ELP4: variants seen among roughly 807,000 people sequenced by gnomAD.
ELP4 encodes elongator complex protein 4.
A neutral mutation model predicts 48.9 loss-of-function variants in ELP4; 51 were observed. The observed-to-expected ratio is 1.04, with a 90% CI of 0.83 to 1.32. The LOEUF (loss-of-function observed/expected upper bound fraction) is 1.32, where lower values mean the gene tolerates loss of function less well. Ranked by LOEUF, ELP4 falls within the 40% of genes most tolerant of loss-of-function variation. The pLI is 0.00. For synonymous variants in ELP4, 210 were observed against 189.2 expected, an observed-to-expected ratio of 1.11 and a Z score of -0.90; for missense variants, 519 against 514.6, an observed-to-expected ratio of 1.01 and a Z score of -0.08.
intron 5 of ELP4, among the ~76,000 whole-genome samples, chr11:31,607,234 A>G (rs1019112299): frequency 3.3e-5 from 5 of 152,326 alleles, no homozygotes; most frequent in African/African-American, 1.2e-4. Flanking sequence ...CCCCCAATCT[A>G]TGGTATTTTG....
At chr11:31,520,363 A>C (rs1956192546) in intron 2 of ELP4, among the ~76,000 whole-genome samples, 2 of 152,160 alleles carry the variant, frequency 1.3e-5, no homozygotes, top group Non-Finnish European at 2.9e-5. Context: ...ACTAAAATTA[A>C]TGTGAATTGA....
At chr11:31,625,000 C>T (rs190971517) in intron 5 of ELP4, among the ~76,000 whole-genome samples, 226 of 151,404 alleles carry the variant, frequency 1.5e-3, no homozygotes, top group African/African-American at 5.2e-3. Context: ...GACCTGGTCA[C>T]CTGAGTCTAT....
At chr11:31,661,085 C>T (rs1565100356) in intron 9 of ELP4, among the ~76,000 whole-genome samples, 1 of 151,964 alleles carries the variant, frequency 6.6e-6, no homozygotes, top group Non-Finnish European at 1.5e-5. Context: ...ATTTGTTCAA[C>T]ACTTTCTAGA....
intron 9 of ELP4, among the ~76,000 whole-genome samples, chr11:31,762,843 T>C (rs1427714869): frequency 6.6e-6 from 1 of 151,682 alleles, no homozygotes; most frequent in African/African-American, 2.4e-5. Flanking sequence ...GAATTTTTTA[T>C]AGAAAAATAA....
At chr11:31,732,016 A>C (rs1408259026) in intron 9 of ELP4, among the ~76,000 whole-genome samples, 1 of 152,184 alleles carries the variant, frequency 6.6e-6, no homozygotes, top group African/African-American at 2.4e-5. Flanking sequence ...AAGCTGTGGG[A>C]GTTCATCACC....
At chr11:31,677,293 G>A (rs566046910) in intron 9 of ELP4, among the ~76,000 whole-genome samples, 21 of 152,270 alleles carry the variant, frequency 1.4e-4, no homozygotes, top group South Asian at 4.1e-4. Context: ...GCAATGTAAC[G>A]CACACCAAGG....
intron 7 of ELP4, among the ~76,000 whole-genome samples, chr11:31,636,928 T>C (rs963307574): frequency 1.3e-5 from 2 of 151,996 alleles, no homozygotes; most frequent in Non-Finnish European, 2.9e-5. Context: ...CAATTTTCCC[T>C]TTGAAGTAAT....
In ELP4 at chr11:31,786,218, CT is replaced by C. The variant is rs1325636101; in HGVS notation, c.*2698del. ...ACTCTGCAATCAATTCCCTGTCCAT[CT>C]TTTAACAAATCAGACACACATAGGC... On this transcript the variant is annotated 3_prime_UTR_variant, in exon 10 of 10. Transcript: ENST00000640961. The C allele has an allele frequency of 1.4e-5, 3 of 207,574 alleles. No homozygotes were observed. Among genetic ancestry groups the C allele is most frequent in the Non-Finnish European group, 2.9e-5 (3 of 101,808 alleles). The allele number at this position is 207,574 out of a possible 1,614,324, so 12.9% of individuals were successfully genotyped here.
Position 31,666,494 on chromosome 11 carries a change from C to T in ELP4, c.1143+16273C>T, listed in dbSNP as rs560162348. ...GGATCATGAGGTCAGGAGATCGAGA[C>T]GATTCTGGCCAACATGGTGAAACCC... On this transcript the variant is annotated intron_variant, in intron 9 of 9. Transcript: ENST00000640961. Among the ~76,000 whole-genome samples the T allele has an allele frequency of 7.9e-5, 12 of 152,084 alleles. No homozygotes were observed. In the East Asian group the frequency reaches 1.6e-3, roughly 20 times the overall value.
At chr11:31,520,830 A>G (rs980742414) in intron 2 of ELP4, among the ~76,000 whole-genome samples, 1 of 152,002 alleles carries the variant, frequency 6.6e-6, no homozygotes, top group African/African-American at 2.4e-5. Flanking sequence ...ACCTGGTTTT[A>G]TATGTTAGGG....
In ELP4 at chr11:31,783,382, T is replaced by C. The variant is rs759642777; in HGVS notation, c.1144-11T>C. 2.5e-6 allele frequency: 4 copies of C among 1,599,914 alleles called. No homozygotes were observed. The African/African-American group carries it at 4.1e-5, about 16-fold the overall frequency. On this transcript the variant is annotated splice_polypyrimidine_tract_variant and intron_variant, in intron 9 of 9. Coordinates refer to ENST00000640961, the MANE Select transcript of ELP4 (RefSeq NM_019040.5). ...CTTCTTTTTTTCTTCTCCTGAAATC[T>C]TCTGCCATAGCGACTGCATTTGCCT...
At chr11:31,724,794 C>A (rs1947040267) in intron 9 of ELP4, among the ~76,000 whole-genome samples, 1 of 152,226 alleles carries the variant, frequency 6.6e-6, no homozygotes, top group Admixed American at 6.5e-5. Context: ...TTTGTAAAAT[C>A]TTTTCCTGTC....
At chr11:31,761,310 C>T (rs999059163) in intron 9 of ELP4, among the ~76,000 whole-genome samples, 1 of 151,414 alleles carries the variant, frequency 6.6e-6, no homozygotes, top group Non-Finnish European at 1.5e-5. Flanking sequence ...TACACTCCAG[C>T]CTGAGCAACA....
chr11:31,716,316 T>G (rs1305059518), intron 9 of ELP4, among the ~76,000 whole-genome samples: 1 of 152,184 alleles, frequency 6.6e-6, no homozygotes, highest in East Asian at 1.9e-4. Context: ...CTCTGCCTAG[T>G]TCTTTATTTA....
chr11:31,578,105 T>C (rs7935909), intron 3 of ELP4, among the ~76,000 whole-genome samples: 54,681 of 151,956 alleles, frequency 0.36, 12,112 homozygotes, highest in African/African-American at 0.62. Context: ...AGTCTCAGGA[T>C]ACAAAATCAA....
intron 5 of ELP4, among the ~76,000 whole-genome samples, chr11:31,617,668 C>T (rs934173925): frequency 2.0e-5 from 3 of 149,142 alleles, no homozygotes; most frequent in African/African-American, 7.4e-5. Context: ...TAAATCAAAA[C>T]CAAACAAAGA....
chr11:31,545,051 A>G (rs1755792173), intron 3 of ELP4, among the ~76,000 whole-genome samples: 1 of 152,102 alleles, frequency 6.6e-6, no homozygotes, highest in South Asian at 2.1e-4. Context: ...CAAAGATGGG[A>G]AAAAAACAGA....
intron 3 of ELP4, among the ~76,000 whole-genome samples, chr11:31,571,130 T>C (rs941722179): frequency 6.6e-6 from 1 of 152,138 alleles, no homozygotes; most frequent in Non-Finnish European, 1.5e-5. Context: ...AACCTGCACA[T>C]GTACCCTCAG....
At chr11:31,662,721 CACAT>C (rs1359864110) in intron 9 of ELP4, 5 of 393,974 alleles carry the variant, frequency 1.3e-5, no homozygotes, top group Admixed American at 4.4e-5. Context: ...TGAAAAATAA[CACAT>C]ACAGTCATTT....
Sources: gnomAD v4.1 joint callset for allele counts (sites outside exome capture counted in the v4.1 genomes callset) on GRCh38, gnomAD v4.1.1 for gene constraint, MANE v1.5 for transcripts, NCBI Gene and HGNC (gene_info 2026-07-23, HGNC 2026-07-21) for gene names.